Variants in PDZRN3 observed in about 807,000 individuals in gnomAD.
PDZRN3 encodes PDZ domain containing ring finger 3.
A neutral mutation model predicts 85.7 loss-of-function variants in PDZRN3; 38 were observed. That is an observed-to-expected ratio of 0.44 (90% CI 0.34 to 0.58). The LOEUF is 0.58. PDZRN3 is among the 20% of genes least tolerant of loss of function. The probability of loss-of-function intolerance (pLI) is 0.01; values close to 1 mark genes in which losing one functional copy is unlikely to be tolerated. For missense variants in PDZRN3, 1,629 were observed against 1,506.4 expected, an observed-to-expected ratio of 1.08 and a Z score of -1.35; for synonymous variants, 759 against 638.0, an observed-to-expected ratio of 1.19 and a Z score of -2.86.
In PDZRN3 at chr3:73,624,553, C is replaced by A; in HGVS notation, c.273G>T (p.Arg91=). 1 of 1,519,412 alleles carries A rather than the reference C, an allele frequency of 6.6e-7. No individual in the cohort carries two copies. Among genetic ancestry groups the A allele is most frequent in the Non-Finnish European group, 8.8e-7 (1 of 1,139,396 alleles). The allele number at this position is 1,519,412 out of a possible 1,614,324, so 94.1% of individuals were successfully genotyped here. A position where few individuals can be genotyped will look rare whatever the true frequency, so the allele number is the denominator to read the frequency against. ...CCGGCAGCTGCTGCAGCTTGACCAC[C>A]CGGCCGCAGCCGCGCGTCGCGTACG... ...KCAYATRGCG[R]VVKLQQLPEH... is the part of the protein sequence containing the mutation. Residue 91 remains arginine, a synonymous_variant, in exon 1 of 10, where the codon CGG becomes CGT. Coordinates refer to ENST00000263666, the MANE Select transcript of PDZRN3 (RefSeq NM_015009.3).
At chr3:73,474,411 T>C in intron 3 of PDZRN3, 1 of 1,103,342 alleles carries the variant, frequency 9.1e-7, no homozygotes, top group Non-Finnish European at 1.2e-6. Flanking sequence ...TCACATCTTA[T>C]AATTATCTTA....
At chr3:73,401,087 G>C in intron 4 of PDZRN3, 78 bp from the exon 5 acceptor site, 2 of 1,044,252 alleles carry the variant, frequency 1.9e-6, no homozygotes, top group Non-Finnish European at 3.0e-6. Context: ...TGTCAGGCCA[G>C]TGGCACAGTA....
At chr3:73,470,675 A>G (rs1703319109) in intron 3 of PDZRN3, among the ~76,000 whole-genome samples, 1 of 152,334 alleles carries the variant, frequency 6.6e-6, no homozygotes, top group East Asian at 1.9e-4. Context: ...ATGCACAGAC[A>G]TACAGAGAAG....
intron 3 of PDZRN3, among the ~76,000 whole-genome samples, chr3:73,451,041 CAA>C (rs958058181): frequency 2.6e-5 from 4 of 152,178 alleles, no homozygotes; most frequent in African/African-American, 9.6e-5. Context: ...CTGTAAACTG[CAA>C]GTCAGGAGGA....
At chr3:73,563,001 ATATATATATATATT>A (rs1292799989) in intron 3 of PDZRN3, among the ~76,000 whole-genome samples, 14 of 35,412 alleles carry the variant, frequency 4.0e-4, no homozygotes, top group African/African-American at 1.4e-3. Flanking sequence ...ATATATATAT[ATATATATATATATT>A]TTTTTTTTTT....
intron 3 of PDZRN3, chr3:73,433,752 C>A: frequency 1.9e-5 from 29 of 1,535,204 alleles, no homozygotes; most frequent in Non-Finnish European, 2.4e-5. Flanking sequence ...CGCCAGCACC[C>A]GGGAAAAGCA....
intron 3 of PDZRN3, among the ~76,000 whole-genome samples, chr3:73,548,358 G>T (rs369188202): frequency 6.6e-6 from 1 of 152,148 alleles, no homozygotes; most frequent in Non-Finnish European, 1.5e-5. Flanking sequence ...AGATACAGAC[G>T]TTTTATTTCC....
chr3:73,463,398 G>T (rs1014061839), intron 3 of PDZRN3, among the ~76,000 whole-genome samples: 8 of 152,186 alleles, frequency 5.3e-5, no homozygotes. Context: ...TCAGTCACAT[G>T]CTACTACTTA....
intron 3 of PDZRN3, among the ~76,000 whole-genome samples, chr3:73,575,969 GA>G (rs1702117054): frequency 6.6e-6 from 1 of 152,156 alleles, no homozygotes; most frequent in Non-Finnish European, 1.5e-5. Flanking sequence ...GAGAGACAGA[GA>G]GGGGCAGGGG....
intron 5 of PDZRN3, among the ~76,000 whole-genome samples, chr3:73,393,857 A>AT (rs1432131791): frequency 6.6e-6 from 1 of 152,156 alleles, no homozygotes; most frequent in African/African-American, 2.4e-5. Context: ...ATATCACGAG[A>AT]TTTTAGAATA....
At position 73,593,242 on chromosome 3, in the gene PDZRN3, G is replaced by A. The variant is rs958489013; in HGVS notation, c.918+9112C>T. Among the ~76,000 whole-genome samples the A allele has an allele frequency of 4.6e-5, 7 of 152,138 alleles. No individual in the cohort carries two copies. In the South Asian group the frequency reaches 1.0e-3, roughly 23 times the overall value. ...TGTTGTTTTGTTTTATGGTCCTCAG[G>A]AAATTACCTAAGATTTAATTTTTTG... On this transcript the variant is annotated intron_variant, in intron 3 of 9. Coordinates refer to ENST00000263666, the MANE Select transcript of PDZRN3 (RefSeq NM_015009.3).
Position 73,390,999 on chromosome 3 carries a change from A to C in PDZRN3, c.1353+19T>G. 1 of 1,570,594 alleles carries C rather than the reference A, an allele frequency of 6.4e-7. No homozygotes were observed. Among genetic ancestry groups the C allele is most frequent in the Non-Finnish European group, 8.7e-7 (1 of 1,143,634 alleles). On this transcript the variant is annotated intron_variant, in intron 6 of 9. Transcript: ENST00000263666. The stretch of plus-strand genomic sequence containing the variant: ...TGGTCTTGATACGATAGTTAGAAAA[A>C]CAAAATCAGCCTTTGTACCTCACTG...
intron 3 of PDZRN3, among the ~76,000 whole-genome samples, chr3:73,418,981 C>G (rs1259025006): frequency 1.3e-5 from 2 of 151,438 alleles, no homozygotes; most frequent in Non-Finnish European, 3.0e-5. Flanking sequence ...AACAATGAAG[C>G]TAAAGGGGTT....
chr3:73,469,818 A>G (rs1703297877), intron 3 of PDZRN3, among the ~76,000 whole-genome samples: 1 of 152,220 alleles, frequency 6.6e-6, no homozygotes, highest in East Asian at 1.9e-4. Context: ...GATTGGATGC[A>G]CTGATTGAAG....
chr3:73,479,947 T>C (rs777106156), intron 3 of PDZRN3, among the ~76,000 whole-genome samples: 68 of 152,146 alleles, frequency 4.5e-4, no homozygotes, highest in Non-Finnish European at 5.6e-4. Context: ...GGGTAGTACA[T>C]TGGAATACAA....
chr3:73,617,229 C>T (rs552512759), intron 1 of PDZRN3, among the ~76,000 whole-genome samples: 48 of 152,282 alleles, frequency 3.2e-4, no homozygotes, highest in Admixed American at 2.2e-3. Context: ...AAAGATTACG[C>T]GGTGCCTCTG....
At position 73,605,911 on chromosome 3, in the gene PDZRN3, T is replaced by G. The variant is rs147441114; in HGVS notation, c.810+2687A>C. ...CTACAAAATCAGGTCTGGCTTGTAC[T>G]TAAAGCACCTTTTGTAAAAAAGAAA... On this transcript the variant is annotated intron_variant, in intron 2 of 9. Coordinates refer to ENST00000263666, the MANE Select transcript of PDZRN3 (RefSeq NM_015009.3). 3.6e-3 allele frequency among the ~76,000 whole-genome samples: 553 copies of G among 152,376 alleles called. 4 individuals are homozygous for G. The highest frequency in any genetic ancestry group is 0.013 in the African/African-American group (527 of 41,596).
At chr3:73,609,961 T>C (rs1345245771) in intron 1 of PDZRN3, among the ~76,000 whole-genome samples, 1 of 152,174 alleles carries the variant, frequency 6.6e-6, no homozygotes, top group Non-Finnish European at 1.5e-5. Flanking sequence ...CTGTGCCCAG[T>C]AGAGCTAAAA....
At chr3:73,457,466 T>C (rs750801365) in intron 3 of PDZRN3, among the ~76,000 whole-genome samples, 7 of 151,948 alleles carry the variant, frequency 4.6e-5, no homozygotes, top group Non-Finnish European at 8.8e-5. Context: ...AATGGCCCAA[T>C]ATGGGTTTGT....
Sources: allele counts gnomAD v4.1 joint callset (sites outside exome capture counted in the v4.1 genomes callset), GRCh38; gene constraint gnomAD v4.1.1; transcripts MANE v1.5; gene names NCBI Gene and HGNC (gene_info 2026-07-23, HGNC 2026-07-21).